SIPA1L3: variants seen among roughly 807,000 people sequenced by gnomAD.
The protein encoded by SIPA1L3 is signal induced proliferation associated 1 like 3, also known as signal-induced proliferation-associated 1-like protein 3.
A neutral mutation model predicts 150.1 loss-of-function variants in SIPA1L3; 59 were observed. The observed-to-expected ratio is 0.39, with a 90% CI of 0.32 to 0.49. The LOEUF is 0.49. SIPA1L3 is among the 20% of genes least tolerant of loss of function. The probability of loss-of-function intolerance (pLI) is 0.86; values close to 1 mark genes in which losing one functional copy is unlikely to be tolerated. For missense variants in SIPA1L3, 2,211 were observed against 2,489.5 expected (o/e 0.89, Z 2.38); for synonymous variants, 1,070 against 1,077.6 (o/e 0.99, Z 0.14).
intron 15 of SIPA1L3, among the ~76,000 whole-genome samples, chr19:38,167,230 T>TTAAAAAAAAAA (rs1685923411): frequency 2.0e-5 from 1 of 50,434 alleles, no homozygotes; most frequent in Non-Finnish European, 4.8e-5. Flanking sequence ...AGATTCCATC[T>TTAAAAAAAAAA]CAAAAAAAAA....
chr19:37,958,587 T>A (rs1170826703), intron 1 of SIPA1L3, among the ~76,000 whole-genome samples: 1 of 152,198 alleles, frequency 6.6e-6, no homozygotes, highest in Non-Finnish European at 1.5e-5. Flanking sequence ...GATTATATAT[T>A]TGTGACCTTG....
intron 8 of SIPA1L3, 114 bp from the exon 9 acceptor site, chr19:38,119,192 C>CT: frequency 9.6e-7 from 1 of 1,039,878 alleles, no homozygotes; most frequent in South Asian, 1.6e-5. Context: ...TGAGACCTGT[C>CT]TCGATAAAAC....
intron 9 of SIPA1L3, among the ~76,000 whole-genome samples, chr19:38,129,756 A>T (rs1389302771): frequency 6.6e-6 from 1 of 151,956 alleles, no homozygotes; most frequent in Non-Finnish European, 1.5e-5. Flanking sequence ...GTCAGTCAGG[A>T]TACAGTATTA....
intron 1 of SIPA1L3, among the ~76,000 whole-genome samples, chr19:37,951,265 C>T (rs1005329661): frequency 6.6e-6 from 1 of 152,180 alleles, no homozygotes; most frequent in African/African-American, 2.4e-5. Context: ...TGAGGGGTTA[C>T]AAACAAGAGC....
At chr19:38,035,087 A>C (rs1343999789) in intron 2 of SIPA1L3, among the ~76,000 whole-genome samples, 1 of 152,118 alleles carries the variant, frequency 6.6e-6, no homozygotes, top group Non-Finnish European at 1.5e-5. Context: ...TGCCTAACCC[A>C]GCCTAGGGGT....
chr19:38,141,581 TC>T (rs766819785), intron 11 of SIPA1L3, 146 bp downstream of exon 11: 5 of 886,226 alleles, frequency 5.6e-6, no homozygotes, highest in Non-Finnish European at 6.7e-6. Context: ...TCTCCCTTGT[TC>T]CTCCCTCCCT....
chr19:37,974,766 C>T (rs1322089461), intron 1 of SIPA1L3, among the ~76,000 whole-genome samples: 1 of 152,212 alleles, frequency 6.6e-6, no homozygotes, highest in Non-Finnish European at 1.5e-5. Flanking sequence ...GTGGTACATC[C>T]CCTTCCCCAA....
At chr19:38,098,662 G>A (rs1970434138) in intron 4 of SIPA1L3, among the ~76,000 whole-genome samples, 2 of 151,952 alleles carry the variant, frequency 1.3e-5, no homozygotes, top group South Asian at 2.1e-4. Flanking sequence ...CCCAAAGGGG[G>A]CTTTCCTTTT....
intron 15 of SIPA1L3, among the ~76,000 whole-genome samples, chr19:38,178,093 GT>G (rs1568594698): frequency 0.016 from 969 of 61,218 alleles, 14 homozygotes; most frequent in African/African-American, 0.041. Flanking sequence ...TTTGGTGTGT[GT>G]GTGTGTGTGT....
chr19:38,083,949 T>C (rs556667146), intron 3 of SIPA1L3, among the ~76,000 whole-genome samples: 10 of 145,328 alleles, frequency 6.9e-5, no homozygotes, highest in Middle Eastern at 7.3e-3. Context: ...GCTGAGATCA[T>C]GCCACTGCAC....
At chr19:37,918,369 C>G (rs558558109) in intron 1 of SIPA1L3, among the ~76,000 whole-genome samples, 1 of 151,952 alleles carries the variant, frequency 6.6e-6, no homozygotes, top group East Asian at 2.0e-4. Flanking sequence ...AAGTGACTCT[C>G]CTGCCTCAGC....
rs537437846 is a variant in SIPA1L3 at position 37,988,550 on chromosome 19, C to T, written c.-378-40539C>T. ...AATGAGCCAGACATGGTGGTGGGCA[C>T]CTGTAATCCTAGCTACTCGGGAGGC... On this transcript the variant is annotated intron_variant, in intron 1 of 21. Coordinates refer to ENST00000222345, the MANE Select transcript of SIPA1L3 (RefSeq NM_015073.3). 3.3e-5 allele frequency among the ~76,000 whole-genome samples: 5 copies of T among 152,140 alleles called. No individual in the cohort carries two copies. In the South Asian group the frequency reaches 1.0e-3, roughly 32 times the overall value.
chr19:38,134,862 G>A (rs1971399536), intron 10 of SIPA1L3, among the ~76,000 whole-genome samples: 3 of 152,158 alleles, frequency 2.0e-5, no homozygotes, highest in African/African-American at 7.2e-5. Flanking sequence ...CCGAAGGTGA[G>A]GGCAAAGGCC....
At chr19:37,933,175 C>G (rs937179844) in intron 1 of SIPA1L3, among the ~76,000 whole-genome samples, 6 of 151,856 alleles carry the variant, frequency 4.0e-5, no homozygotes, top group African/African-American at 1.5e-4. Context: ...TGTGTGACCT[C>G]ATCTGTGACC....
intron 15 of SIPA1L3, among the ~76,000 whole-genome samples, chr19:38,175,377 G>A (rs1294645300): frequency 6.6e-6 from 1 of 152,084 alleles, no homozygotes; most frequent in East Asian, 1.9e-4. Context: ...GAGTCCCCAG[G>A]CTGAACAGAC....
At chr19:38,159,310 G>A (rs1276760623) in intron 13 of SIPA1L3, among the ~76,000 whole-genome samples, 1 of 152,246 alleles carries the variant, frequency 6.6e-6, no homozygotes, top group East Asian at 1.9e-4. Flanking sequence ...CCCTGGGCTT[G>A]CACCGGAGGT....
intron 2 of SIPA1L3, among the ~76,000 whole-genome samples, chr19:38,033,452 T>G (rs542176728): frequency 4.0e-5 from 6 of 151,630 alleles, no homozygotes; most frequent in African/African-American, 1.5e-4. Flanking sequence ...CTTTGGGAGG[T>G]CAAGGCAGGA....
At chr19:37,987,814 G>A (rs772029436) in intron 1 of SIPA1L3, among the ~76,000 whole-genome samples, 55 of 152,220 alleles carry the variant, frequency 3.6e-4, no homozygotes, top group African/African-American at 1.3e-3. Context: ...CTGTCCCGGC[G>A]CCTTTACTGC....
chr19:38,201,824 C>A (rs762733110), intron 19 of SIPA1L3, 38 bp from the exon 20 acceptor site: 1 of 1,561,712 alleles, frequency 6.4e-7, no homozygotes, highest in Non-Finnish European at 8.7e-7. Flanking sequence ...AAGCCGGGAG[C>A]CTTGCTGACC....
Sources: allele counts gnomAD v4.1 joint callset (sites outside exome capture counted in the v4.1 genomes callset), GRCh38; gene constraint gnomAD v4.1.1; transcripts MANE v1.5; gene names NCBI Gene and HGNC (gene_info 2026-07-23, HGNC 2026-07-21).